DDX1: variants seen among roughly 807,000 people sequenced by gnomAD.
DDX1 encodes DEAD-box helicase 1, also known as ATP-dependent RNA helicase DDX1.
DDX1 carries 28 observed loss-of-function variants against 108.7 expected under a neutral mutation model. The ratio of observed to expected loss-of-function variants is 0.26; its 90% confidence interval spans 0.19 to 0.35. DDX1 has a LOEUF of 0.35. DDX1 is among the 10% of genes least tolerant of loss of function. DDX1 has a pLI of 1.00. For synonymous variants in DDX1, 295 were observed against 288.9 expected (o/e 1.02, Z -0.21); for missense variants, 710 against 884.5 (o/e 0.80, Z 2.50).
chr2:15,627,199 A>G (rs745474007), intron 20 of DDX1, 54 bp downstream of exon 20: 37 of 959,438 alleles, frequency 3.9e-5, no homozygotes, highest in Non-Finnish European at 5.7e-5. Context: ...CATTATATCT[A>G]GTTTTAAGCA....
intron 16 of DDX1, among the ~76,000 whole-genome samples, chr2:15,619,784 G>A (rs186678813): frequency 2.0e-5 from 3 of 152,192 alleles, no homozygotes; most frequent in African/African-American, 7.2e-5. Flanking sequence ...TTTAGGGTGT[G>A]TATTCCAGAT....
intron 19 of DDX1, among the ~76,000 whole-genome samples, chr2:15,625,461 T>C (rs910344009): frequency 6.6e-6 from 1 of 152,140 alleles, no homozygotes; most frequent in Non-Finnish European, 1.5e-5. Flanking sequence ...TAAACAAATA[T>C]TGAATTCTAG....
intron 12 of DDX1, 109 bp from the exon 13 acceptor site, chr2:15,607,066 A>G (rs1665673887): frequency 6.6e-6 from 7 of 1,058,176 alleles, no homozygotes; most frequent in Non-Finnish European, 6.9e-6. Flanking sequence ...CTACTTTTTG[A>G]CAATTATTAT....
At chr2:15,608,863 G>C (rs1229846282) in intron 13 of DDX1, among the ~76,000 whole-genome samples, 1 of 151,894 alleles carries the variant, frequency 6.6e-6, no homozygotes, top group African/African-American at 2.4e-5. Flanking sequence ...TTTTAATATT[G>C]ATCTTATTTA....
Position 15,602,563 on chromosome 2 carries a change from G to A in DDX1, c.323G>A (p.Gly108Asp). Residue 108 changes from glycine to aspartate, a missense_variant, in exon 7 of 26, where the codon GGT (glycine) becomes GAT (aspartate). Transcript: ENST00000233084. ...TCAAATCCAGCAATTGGGTCAGATGGTCTTTGTTGTCAAAGCAGAGAAGTA... is the reference window on the plus strand; with the variant it reads ...TCAAATCCAGCAATTGGGTCAGATGATCTTTGTTGTCAAAGCAGAGAAGTA... ...RGSAFAIGSDGLCCQSREVKE... is the reference protein window; with the variant it reads ...RGSAFAIGSDDLCCQSREVKE... 6.2e-7 allele frequency: 1 copy of A among 1,613,582 alleles called. No homozygotes were observed. The highest frequency in any genetic ancestry group is 8.5e-7 in the Non-Finnish European group (1 of 1,179,504).
Position 15,615,233 on chromosome 2 carries a change from T to C in DDX1, c.1017+1949T>C, listed in dbSNP as rs1010230323. On this transcript the variant is annotated intron_variant, in intron 14 of 25. Transcript: ENST00000233084. ...GTTTTCTAATCTTTTAGTCTTACGG[T>C]ATTATGCAACATGTGCCACTGAGGT... 6.0e-4 allele frequency among the ~76,000 whole-genome samples: 92 copies of C among 152,218 alleles called. 1 individual carries two copies. Among genetic ancestry groups the C allele is most frequent in the Admixed American group, 6.0e-3 (91 of 15,280 alleles).
intron 15 of DDX1, among the ~76,000 whole-genome samples, chr2:15,617,560 A>G (rs1261138190): frequency 6.6e-6 from 1 of 152,160 alleles, no homozygotes. Context: ...TTAAAAATGT[A>G]ATGTCATAAG....
At chr2:15,614,999 GA>G (rs1287766250) in intron 14 of DDX1, among the ~76,000 whole-genome samples, 1 of 152,122 alleles carries the variant, frequency 6.6e-6, no homozygotes, top group African/African-American at 2.4e-5. Flanking sequence ...GAAGCAATTG[GA>G]AAGGTAGTGT....
At chr2:15,619,580 G>A (rs1399694525) in intron 16 of DDX1, among the ~76,000 whole-genome samples, 2 of 152,198 alleles carry the variant, frequency 1.3e-5, no homozygotes, top group Non-Finnish European at 2.9e-5. Flanking sequence ...GGGTCAAAGG[G>A]TTTTTGTTTG....
intron 16 of DDX1, among the ~76,000 whole-genome samples, chr2:15,619,037 C>T (rs575128849): frequency 6.6e-6 from 1 of 152,332 alleles, no homozygotes; most frequent in Non-Finnish European, 1.5e-5. Flanking sequence ...GCAGAGATGT[C>T]TGGGTCCGCA....
chr2:15,615,267 T>G (rs996246309), intron 14 of DDX1, among the ~76,000 whole-genome samples: 5 of 152,160 alleles, frequency 3.3e-5, no homozygotes, highest in Non-Finnish European at 5.9e-5. Context: ...GTCATATAAA[T>G]AAAGATGTCT....
At chr2:15,602,993 G>C (rs527598075) in intron 7 of DDX1, among the ~76,000 whole-genome samples, 199 bp from the exon 8 acceptor site, 73 of 152,336 alleles carry the variant, frequency 4.8e-4, no homozygotes, top group Non-Finnish European at 9.4e-4. Flanking sequence ...CTGCAGGCGT[G>C]AGCCACTATG....
Position 15,606,198 on chromosome 2 carries a change from C to T in DDX1, c.751C>T (p.Pro251Ser), listed in dbSNP as rs537632009. ...CGGTGAAGAGGAATTTAAGTTTCCA[C>T]CAAAAGATGGCTTTGTTGCTCTTTC... is the stretch of plus-strand genomic sequence containing the variant. ...NFGEEEFKFP[P>S]KDGFVALSKA... The change falls in exon 12 of 26, where the codon CCA (proline) becomes TCA (serine). Residue 251 changes from proline to serine, a missense_variant. Physicochemically the swap from Pro to Ser is moderately conservative, Grantham distance 74. Coordinates refer to ENST00000233084, the MANE Select transcript of DDX1 (RefSeq NM_004939.3). 1.2e-6 allele frequency: 2 copies of T among 1,613,996 alleles called. No individual in the cohort carries two copies. Among genetic ancestry groups the T allele is most frequent in the Non-Finnish European group, 1.7e-6 (2 of 1,180,008 alleles).
chr2:15,622,075 A>G (rs1666021631), intron 18 of DDX1, among the ~76,000 whole-genome samples: 1 of 152,256 alleles, frequency 6.6e-6, no homozygotes, highest in South Asian at 2.1e-4. Context: ...TATCAGGAAT[A>G]TTGCATAAGA....
chr2:15,591,922 G>A lies in DDX1; in HGVS notation c.-12G>A, dbSNP rs1223449051. On this transcript the variant is annotated 5_prime_UTR_variant, in exon 1 of 26. Transcript: ENST00000233084. Reference sequence around the variant, plus strand: ...GGAGCGAGCAGGCGAAGCCGCGGAGGACGGGGTGAAGATGGCGGCCTTCTC... The same window carrying A: ...GGAGCGAGCAGGCGAAGCCGCGGAGAACGGGGTGAAGATGGCGGCCTTCTC... The A allele has an allele frequency of 1.4e-6, 2 of 1,454,958 alleles. No homozygotes were observed. Among genetic ancestry groups the A allele is most frequent in the East Asian group, 3.0e-5 (1 of 33,628 alleles). 90.1% of individuals were successfully genotyped at this position (1,454,958 alleles called of 1,614,324 possible).
At chr2:15,596,599 C>A in intron 3 of DDX1, 135 bp from the exon 4 acceptor site, 1 of 692,970 alleles carries the variant, frequency 1.4e-6, no homozygotes. Flanking sequence ...GACAGAGGAA[C>A]CCTGGATATC....
At chr2:15,611,054 T>TG (rs1318036820) in intron 13 of DDX1, among the ~76,000 whole-genome samples, 7 of 150,282 alleles carry the variant, frequency 4.7e-5, no homozygotes, top group African/African-American at 1.7e-4. Flanking sequence ...TTTGTGTCCC[T>TG]GGGTACTTGA....
At chr2:15,609,428 TCTGATACACTGA>T (rs948066652) in intron 13 of DDX1, among the ~76,000 whole-genome samples, 2 of 152,258 alleles carry the variant, frequency 1.3e-5, no homozygotes, top group South Asian at 4.1e-4. Context: ...CTGCCCCTCC[TCTGATACACTGA>T]CTGTACATGC....
chr2:15,601,124 A>G (rs1458634261), intron 6 of DDX1, among the ~76,000 whole-genome samples: 3 of 151,888 alleles, frequency 2.0e-5, no homozygotes, highest in Non-Finnish European at 4.4e-5. Flanking sequence ...AATAAACTCC[A>G]TTTTCCCTGT....
Sources: gnomAD v4.1 joint callset for allele counts (sites outside exome capture counted in the v4.1 genomes callset) on GRCh38, gnomAD v4.1.1 for gene constraint, MANE v1.5 for transcripts, NCBI Gene and HGNC (gene_info 2026-07-23, HGNC 2026-07-21) for gene names.